RIMS1: variants seen among roughly 807,000 people sequenced by gnomAD.
RIMS1 encodes regulating synaptic membrane exocytosis 1.
A neutral mutation model predicts 214.1 loss-of-function variants in RIMS1; 83 were observed. The observed-to-expected ratio is 0.39, with a 90% CI of 0.32 to 0.47. RIMS1 has a LOEUF of 0.47. Ranked by LOEUF, RIMS1 falls within the 20% of genes least tolerant of loss-of-function variation. The probability of loss-of-function intolerance (pLI) is 0.99; values close to 1 mark genes in which losing one functional copy is unlikely to be tolerated. For synonymous variants in RIMS1, 793 were observed against 786.8 expected, an observed-to-expected ratio of 1.01 and a Z score of -0.13; for missense variants, 2,050 against 2,161.8, an observed-to-expected ratio of 0.95 and a Z score of 1.03.
At chr6:72,026,531 G>A (rs1436699631) in intron 2 of RIMS1, among the ~76,000 whole-genome samples, 1 of 138,426 alleles carries the variant, frequency 7.2e-6, no homozygotes, top group Non-Finnish European at 1.5e-5. Context: ...AGTCCATTTG[G>A]GTTTTTGGAA....
intron 6 of RIMS1, among the ~76,000 whole-genome samples, chr6:72,188,696 C>G (rs1030897967): frequency 1.3e-5 from 2 of 152,174 alleles, no homozygotes; most frequent in African/African-American, 4.8e-5. Flanking sequence ...TAGAGTCACC[C>G]AGACCATCAT....
intron 4 of RIMS1, among the ~76,000 whole-genome samples, chr6:72,178,024 A>G (rs2047946328): frequency 1.3e-5 from 2 of 152,248 alleles, no homozygotes; most frequent in African/African-American, 2.4e-5. Flanking sequence ...TTGACATCTT[A>G]GTAGATGAGA....
chr6:71,977,223 G>T (rs1797384135), intron 2 of RIMS1, among the ~76,000 whole-genome samples: 1 of 152,290 alleles, frequency 6.6e-6, no homozygotes, highest in African/African-American at 2.4e-5. Flanking sequence ...GGGAGCTCTT[G>T]CACCCTTGCT....
intron 24 of RIMS1, among the ~76,000 whole-genome samples, chr6:72,288,978 A>G (rs935517068): frequency 6.6e-6 from 1 of 152,196 alleles, no homozygotes; most frequent in Non-Finnish European, 1.5e-5. Context: ...ATGGAACACT[A>G]TATGTGGTTG....
chr6:71,908,578 A>G (rs1775966313), intron 1 of RIMS1, among the ~76,000 whole-genome samples: 1 of 152,206 alleles, frequency 6.6e-6, no homozygotes, highest in African/African-American at 2.4e-5. Flanking sequence ...GCTGCATATA[A>G]GTATCTAATT....
intron 2 of RIMS1, among the ~76,000 whole-genome samples, chr6:71,970,126 C>T (rs1583773522): frequency 6.6e-6 from 1 of 152,190 alleles, no homozygotes; most frequent in Non-Finnish European, 1.5e-5. Context: ...AATAAGTATA[C>T]TTGAATATCA....
chr6:72,209,369 A>G (rs994160618), intron 6 of RIMS1, among the ~76,000 whole-genome samples: 1 of 152,204 alleles, frequency 6.6e-6, no homozygotes, highest in Admixed American at 6.5e-5. Context: ...AGGAAATTGT[A>G]ATTATGAAAG....
At chr6:72,300,888 G>T (rs1228526909) in intron 26 of RIMS1, among the ~76,000 whole-genome samples, 1 of 151,666 alleles carries the variant, frequency 6.6e-6, no homozygotes, top group Non-Finnish European at 1.5e-5. Flanking sequence ...AGATGGTCTT[G>T]TGGTTTTGGC....
At chr6:72,089,660 C>T (rs1262688274) in intron 2 of RIMS1, among the ~76,000 whole-genome samples, 2 of 151,646 alleles carry the variant, frequency 1.3e-5, no homozygotes, top group Non-Finnish European at 2.9e-5. Context: ...CCAGCCATCC[C>T]ATTACTGGGT....
At chr6:72,255,723 A>G (rs532136349) in intron 16 of RIMS1, among the ~76,000 whole-genome samples, 2 of 152,278 alleles carry the variant, frequency 1.3e-5, no homozygotes, top group Non-Finnish European at 2.9e-5. Flanking sequence ...AGTCAACTAA[A>G]ACACTGGGAT....
intron 15 of RIMS1, among the ~76,000 whole-genome samples, chr6:72,252,442 G>T (rs1294488125): frequency 6.6e-6 from 1 of 152,068 alleles, no homozygotes; most frequent in Non-Finnish European, 1.5e-5. Context: ...ACTTAATTGT[G>T]TAGAAAACAA....
chr6:72,211,373 A>T (rs369535126), intron 6 of RIMS1, among the ~76,000 whole-genome samples: 2 of 152,186 alleles, frequency 1.3e-5, no homozygotes, highest in East Asian at 3.8e-4. Context: ...ATCCTATCAA[A>T]GTAAATTATG....
intron 29 of RIMS1, among the ~76,000 whole-genome samples, chr6:72,383,156 T>C: frequency 6.6e-6 from 1 of 152,244 alleles, no homozygotes; most frequent in Non-Finnish European, 1.5e-5. Context: ...TCTCCCCTTC[T>C]CTTCTTCTCT....
chr6:72,140,720 G>A (rs923331433), intron 4 of RIMS1, among the ~76,000 whole-genome samples: 1 of 151,870 alleles, frequency 6.6e-6, no homozygotes, highest in Non-Finnish European at 1.5e-5. Context: ...GAAGACATTT[G>A]GATTGCATTT....
At chr6:72,335,918 G>A (rs1378232208) in intron 29 of RIMS1, among the ~76,000 whole-genome samples, 1 of 151,654 alleles carries the variant, frequency 6.6e-6, no homozygotes, top group Non-Finnish European at 1.5e-5. Flanking sequence ...TTTATGATGG[G>A]GTTGTTCTTC....
chr6:72,200,857 T>TTGTGTGTGTGTGTGTG (rs70994114), intron 6 of RIMS1, among the ~76,000 whole-genome samples: 3 of 146,156 alleles, frequency 2.1e-5, no homozygotes, highest in East Asian at 2.0e-4. Context: ...AAGGACACAA[T>TTGTGTGTGTGTGTGTG]TGTGTGTGTG....
At chr6:72,005,594 AC>A (rs1807193048) in intron 2 of RIMS1, among the ~76,000 whole-genome samples, 1 of 152,210 alleles carries the variant, frequency 6.6e-6, no homozygotes, top group Admixed American at 6.5e-5. Context: ...AAATAAATAG[AC>A]TAAAACCATA....
At chr6:72,364,552 A>T (rs930781386) in intron 29 of RIMS1, among the ~76,000 whole-genome samples, 1 of 152,164 alleles carries the variant, frequency 6.6e-6, no homozygotes, top group Admixed American at 6.5e-5. Context: ...TATTGGCTAA[A>T]CCACATAGTC....
intron 2 of RIMS1, among the ~76,000 whole-genome samples, chr6:72,036,832 G>A (rs1422116855): frequency 1.3e-5 from 2 of 152,148 alleles, no homozygotes; most frequent in Non-Finnish European, 2.9e-5. Flanking sequence ...ATGTAGAGTT[G>A]TTCTCAAGCT....
Sources: allele counts gnomAD v4.1 joint callset (sites outside exome capture counted in the v4.1 genomes callset), GRCh38; gene constraint gnomAD v4.1.1; transcripts MANE v1.5; gene names NCBI Gene and HGNC (gene_info 2026-07-23, HGNC 2026-07-21).